CADM2: variants seen among roughly 807,000 people sequenced by gnomAD.
CADM2 encodes immunoglobulin superfamily member 4D.
CADM2 carries 12 observed loss-of-function variants against 49.8 expected under a neutral mutation model. That is an observed-to-expected ratio of 0.24 (90% confidence interval 0.15 to 0.39). CADM2 has a LOEUF of 0.39. Among genes scored for constraint, CADM2 ranks in the 10% least tolerant of loss-of-function variants. The probability of loss-of-function intolerance (pLI) is 1.00; values close to 1 mark genes in which losing one functional copy is unlikely to be tolerated. For synonymous variants in CADM2, 214 were observed against 175.4 expected (o/e 1.22, Z -1.74); for missense variants, 378 against 492.3 (o/e 0.77, Z 2.20).
chr3:85,628,239 G>C (rs988036029), intron 1 of CADM2, among the ~76,000 whole-genome samples: 2 of 151,930 alleles, frequency 1.3e-5, no homozygotes, highest in Non-Finnish European at 2.9e-5. Flanking sequence ...TCTGCTTTAG[G>C]AGTACCTGAT....
intron 8 of CADM2, among the ~76,000 whole-genome samples, chr3:86,062,724 G>A (rs913876870): frequency 6.6e-6 from 1 of 152,096 alleles, no homozygotes; most frequent in Admixed American, 6.5e-5. Context: ...CTGGGAGGTG[G>A]AGGTTGCAGT....
At position 85,359,660 on chromosome 3, in the gene CADM2, A is replaced by AT. The variant is rs1289345059; in HGVS notation, c.62-366861dup. Among the ~76,000 whole-genome samples, 117 of 19,442 alleles carry AT rather than the reference A, an allele frequency of 6.0e-3. 9 individuals carry two copies. Among genetic ancestry groups the AT allele is most frequent in the South Asian group, 0.025 (17 of 682 alleles). 12.8% of individuals were successfully genotyped at this position (19,442 alleles called of 152,430 possible). On this transcript the variant is annotated intron_variant, in intron 1 of 9. Coordinates refer to ENST00000383699, the MANE Select transcript of CADM2 (RefSeq NM_001167675.2). ...AGCATATATATATATATATATATAT[A>AT]TATATATTTTTTTTTTTGGTGGAGG...
chr3:85,049,630 ATGAGCTAC>A (rs11278590), intron 1 of CADM2, among the ~76,000 whole-genome samples: 39,673 of 151,716 alleles, frequency 0.26, 6,617 homozygotes, highest in Non-Finnish European at 0.37. Flanking sequence ...AATTACAAGT[ATGAGCTAC>A]TGTGCCTGGC....
chr3:84,993,236 G>C (rs1299373375), intron 1 of CADM2, among the ~76,000 whole-genome samples: 1 of 152,132 alleles, frequency 6.6e-6, no homozygotes, highest in Admixed American at 6.6e-5. Flanking sequence ...AAAGAAGTGT[G>C]TTAGCAAAAG....
intron 3 of CADM2, among the ~76,000 whole-genome samples, chr3:85,811,344 C>G (rs992618896): frequency 6.6e-6 from 1 of 152,100 alleles, no homozygotes; most frequent in Admixed American, 6.6e-5. Context: ...TTTACTAAAA[C>G]CCTACTAAAA....
chr3:85,362,513 T>C (rs1018328544), intron 1 of CADM2, among the ~76,000 whole-genome samples: 3 of 152,216 alleles, frequency 2.0e-5, no homozygotes, highest in African/African-American at 7.2e-5. Context: ...TAGAAATTAC[T>C]ATCATCACTC....
At position 86,068,440 on chromosome 3, in the gene CADM2, G is replaced by C. The variant is rs780358287; in HGVS notation, c.*1657G>C. On this transcript the variant is annotated 3_prime_UTR_variant, in exon 10 of 10. Transcript: ENST00000383699. ...CTTTAAGAAGAAAACAAATATGACAGTATGGTAGCTATACTTGTGATGTCT... is the reference window on the plus strand; with the variant it reads ...CTTTAAGAAGAAAACAAATATGACACTATGGTAGCTATACTTGTGATGTCT... The C allele has an allele frequency of 6.6e-6, 1 of 151,900 alleles. No homozygotes were observed. Among genetic ancestry groups the C allele is most frequent in the Non-Finnish European group, 1.5e-5 (1 of 67,830 alleles). 9.4% of individuals were successfully genotyped at this position (151,900 alleles called of 1,614,324 possible). A position where few individuals can be genotyped will look rare whatever the true frequency, so the allele number is the denominator to read the frequency against.
At chr3:85,915,356 C>G (rs1404827622) in intron 6 of CADM2, among the ~76,000 whole-genome samples, 1 of 152,050 alleles carries the variant, frequency 6.6e-6, no homozygotes, top group African/African-American at 2.4e-5. Flanking sequence ...GAAACCAGAT[C>G]TATTTAAATT....
intron 1 of CADM2, among the ~76,000 whole-genome samples, chr3:85,399,214 G>C (rs2034957685): frequency 2.0e-5 from 3 of 152,120 alleles, no homozygotes; most frequent in Non-Finnish European, 2.9e-5. Context: ...ATATGGCTAG[G>C]CAGTTTCCCA....
intron 8 of CADM2, among the ~76,000 whole-genome samples, chr3:85,970,515 T>G (rs1273930528): frequency 6.6e-6 from 1 of 151,616 alleles, no homozygotes; most frequent in African/African-American, 2.4e-5. Flanking sequence ...AAATAGACAT[T>G]CATAGTTTTC....
intron 1 of CADM2, among the ~76,000 whole-genome samples, chr3:85,530,706 C>T (rs1028253473): frequency 1.4e-4 from 21 of 151,994 alleles, no homozygotes; most frequent in African/African-American, 4.8e-4. Context: ...AGATAGGGAC[C>T]ATGTTTGTTT....
intron 1 of CADM2, among the ~76,000 whole-genome samples, chr3:85,442,906 A>G (rs1392937632): frequency 6.6e-6 from 1 of 151,734 alleles, no homozygotes; most frequent in Non-Finnish European, 1.5e-5. Flanking sequence ...ATTTTGTGAC[A>G]ATATTTGCTG....
chr3:85,978,467 G>A (rs1264772329), intron 8 of CADM2, among the ~76,000 whole-genome samples: 3 of 151,420 alleles, frequency 2.0e-5, no homozygotes, highest in African/African-American at 4.8e-5. Flanking sequence ...TCAGAATATC[G>A]GGTGCCATGC....
chr3:85,077,493 C>G (rs563794448), intron 1 of CADM2, among the ~76,000 whole-genome samples: 1 of 151,882 alleles, frequency 6.6e-6, no homozygotes. Flanking sequence ...CACTGTTGCC[C>G]TGAAAATCAT....
chr3:85,051,335 C>T (rs2035875117), intron 1 of CADM2, among the ~76,000 whole-genome samples: 1 of 152,174 alleles, frequency 6.6e-6, no homozygotes, highest in Non-Finnish European at 1.5e-5. Context: ...ATATGACTAA[C>T]TGTAGATTGC....
intron 8 of CADM2, among the ~76,000 whole-genome samples, chr3:86,035,464 G>A (rs1019776087): frequency 2.6e-5 from 4 of 151,950 alleles, no homozygotes; most frequent in East Asian, 1.9e-4. Flanking sequence ...CTGAGATCAC[G>A]TTTTTCACCT....
chr3:85,962,994 T>G (rs1421393700), intron 8 of CADM2, among the ~76,000 whole-genome samples: 1 of 151,932 alleles, frequency 6.6e-6, no homozygotes. Context: ...TCTAGTATAT[T>G]TCTTTGTAAA....
chr3:85,633,798 C>T (rs1001738477), intron 1 of CADM2, among the ~76,000 whole-genome samples: 2 of 151,458 alleles, frequency 1.3e-5, no homozygotes, highest in African/African-American at 4.8e-5. Flanking sequence ...AAAATTAGGC[C>T]AAAAAGTGGA....
intron 1 of CADM2, among the ~76,000 whole-genome samples, chr3:84,975,276 T>C (rs2107111323): frequency 6.6e-6 from 1 of 151,980 alleles, no homozygotes. Flanking sequence ...CATCTATATT[T>C]AGTACACTGG....
Sources: allele counts gnomAD v4.1 joint callset (sites outside exome capture counted in the v4.1 genomes callset), GRCh38; gene constraint gnomAD v4.1.1; transcripts MANE v1.5; gene names NCBI Gene and HGNC (gene_info 2026-07-23, HGNC 2026-07-21).